KDM2A: variants seen among roughly 807,000 people sequenced by gnomAD.
KDM2A encodes the protein lysine-specific demethylase 2A.
Under a neutral mutation model 137.3 loss-of-function variants are expected in KDM2A, and 3 were observed. The observed-to-expected ratio is 0.02, with a 90% confidence interval of 0.01 to 0.06. The LOEUF (loss-of-function observed/expected upper bound fraction) is 0.06. KDM2A is among the 10% of genes least tolerant of loss of function. The pLI is 1.00. For synonymous variants in KDM2A, 512 were observed against 541.5 expected (o/e 0.95, Z 0.76); for missense variants, 738 against 1,510.6 (o/e 0.49, Z 8.48).
At chr11:67,201,423 T>C (rs1291047650) in intron 5 of KDM2A, among the ~76,000 whole-genome samples, 3 of 151,860 alleles carry the variant, frequency 2.0e-5, no homozygotes, top group Non-Finnish European at 4.4e-5. Context: ...GTGGATCCCT[T>C]GAGGCCAGGA....
At chr11:67,202,937 G>A (rs1320421064) in intron 5 of KDM2A, among the ~76,000 whole-genome samples, 1 of 151,604 alleles carries the variant, frequency 6.6e-6, no homozygotes, top group South Asian at 2.1e-4. Context: ...TGTGGCTGTG[G>A]TGAGCTGTGA....
At chr11:67,137,797 A>G (rs1183893599) in intron 2 of KDM2A, among the ~76,000 whole-genome samples, 1 of 152,074 alleles carries the variant, frequency 6.6e-6, no homozygotes, top group African/African-American at 2.4e-5. Context: ...TTACTGGCAT[A>G]TGATTGGGTC....
chr11:67,199,996 G>A (rs1264940287), intron 5 of KDM2A, among the ~76,000 whole-genome samples: 2 of 152,114 alleles, frequency 1.3e-5, no homozygotes, highest in African/African-American at 4.8e-5. Context: ...AAATCCTAGG[G>A]CCCTTAAGAA....
intron 6 of KDM2A, among the ~76,000 whole-genome samples, chr11:67,209,964 G>A (rs1857928548): frequency 6.6e-6 from 1 of 152,132 alleles, no homozygotes; most frequent in Non-Finnish European, 1.5e-5. Context: ...AGAGACCGAG[G>A]TGGGAGGATT....
chr11:67,167,945 C>T (rs1267205469), intron 2 of KDM2A, among the ~76,000 whole-genome samples: 3 of 152,084 alleles, frequency 2.0e-5, no homozygotes, highest in Non-Finnish European at 4.4e-5. Flanking sequence ...GGCCATTTAT[C>T]ATTTAGGGAC....
chr11:67,181,542 T>C (rs561157071), intron 4 of KDM2A, 144 bp downstream of exon 4: 1 of 609,160 alleles, frequency 1.6e-6, no homozygotes, highest in Admixed American at 3.1e-5. Flanking sequence ...TGCTTTTCTT[T>C]TGATACACAA....
At chr11:67,227,923 G>C (rs1858597794) in intron 10 of KDM2A, 114 bp from the exon 11 acceptor site, 1 of 1,120,024 alleles carries the variant, frequency 8.9e-7, no homozygotes, top group African/African-American at 1.5e-5. Flanking sequence ...GCCAAGCTGG[G>C]TTTGCAGGTT....
chr11:67,193,881 C>A lies in KDM2A; in HGVS notation c.307+11989C>A, dbSNP rs866711009. On this transcript the variant is annotated intron_variant, in intron 5 of 20. Transcript: ENST00000529006. ...ATCTCAATACATACATACATACATA[C>A]GTATTTATTGAGACAGGGGTCTCGC... Among the ~76,000 whole-genome samples the A allele has an allele frequency of 3.3e-5, 5 of 152,178 alleles. No individual in the cohort carries two copies. In the East Asian group the frequency reaches 7.7e-4, roughly 24 times the overall value.
intron 3 of KDM2A, 45 bp downstream of exon 3, chr11:67,180,262 A>G: frequency 6.3e-7 from 1 of 1,591,198 alleles, no homozygotes; most frequent in Non-Finnish European, 8.6e-7. Context: ...TGATGTGGGA[A>G]GCCATAGACT....
intron 2 of KDM2A, among the ~76,000 whole-genome samples, chr11:67,166,841 C>T (rs1045496501): frequency 6.6e-6 from 1 of 152,122 alleles, no homozygotes; most frequent in African/African-American, 2.4e-5. Flanking sequence ...ATTTGGAAGG[C>T]CAAGGCGGGC....
rs1250695061 is a variant in KDM2A, at chr11:67,252,768, G to A, written c.2843G>A (p.Gly948Asp). 4 of 1,613,960 alleles carry A rather than the reference G, an allele frequency of 2.5e-6. No individual in the cohort carries two copies. Among genetic ancestry groups the A allele is most frequent in the South Asian group, 2.2e-5 (2 of 91,082 alleles). Residue 948 changes from glycine to aspartate, a missense_variant, in exon 18 of 21, where the codon GGC (glycine) becomes GAC (aspartate). Gly to Asp is a moderately conservative substitution (Grantham distance 94). This residue lies in a region of KDM2A where 166 missense variants were observed against 324.0 expected (regional missense o/e 0.51). Transcript: ENST00000529006. ...GCCATTGTGCCCCAGGCCCTCAGTG[G>A]CATCATCAAGAGGCAGCCAGTCAGC... Reference protein sequence around the residue: ...CKAIVPQALSGIIKRQPVSLD... With the variant: ...CKAIVPQALSDIIKRQPVSLD...
chr11:67,227,002 A>G (rs942568345), intron 10 of KDM2A, among the ~76,000 whole-genome samples: 2 of 152,172 alleles, frequency 1.3e-5, no homozygotes, highest in Non-Finnish European at 2.9e-5. Flanking sequence ...AGTCCCCATC[A>G]TTGGTCTTCC....
chr11:67,123,817 C>T (rs1398757501), intron 2 of KDM2A, among the ~76,000 whole-genome samples: 1 of 152,088 alleles, frequency 6.6e-6, no homozygotes, highest in Admixed American at 6.6e-5. Flanking sequence ...GCTGAGATTA[C>T]AGGTGCCTAC....
chr11:67,178,884 A>T (rs1244807649), intron 2 of KDM2A, among the ~76,000 whole-genome samples: 1 of 152,192 alleles, frequency 6.6e-6, no homozygotes, highest in Non-Finnish European at 1.5e-5. Context: ...TGAAAAGAAG[A>T]ACGTATGTTT....
chr11:67,138,093 G>A (rs1296164173), intron 2 of KDM2A, among the ~76,000 whole-genome samples: 1 of 152,110 alleles, frequency 6.6e-6, no homozygotes, highest in Non-Finnish European at 1.5e-5. Context: ...ACCGCGCCTG[G>A]CCAAACTATA....
chr11:67,145,599 C>T (rs932011235), intron 2 of KDM2A, among the ~76,000 whole-genome samples: 2 of 151,770 alleles, frequency 1.3e-5, no homozygotes, highest in African/African-American at 4.8e-5. Flanking sequence ...AATTACTTAC[C>T]CTAACGTTAT....
chr11:67,125,534 G>A (rs1427147508), intron 2 of KDM2A, among the ~76,000 whole-genome samples: 2 of 151,996 alleles, frequency 1.3e-5, no homozygotes, highest in Admixed American at 6.6e-5. Flanking sequence ...CACTTTGGGA[G>A]GCATAGGCAG....
rs774535266 is a variant in KDM2A, at chr11:67,245,499, C to T, written c.1833+41C>T. Reference sequence around the variant, plus strand: ...GGTAAAGAATTTTGGGGAGGGGTGGCAGTGCCAAAGGAACTGAAATACATA... The same window carrying T: ...GGTAAAGAATTTTGGGGAGGGGTGGTAGTGCCAAAGGAACTGAAATACATA... On this transcript the variant is annotated intron_variant, in intron 14 of 20. Transcript: ENST00000529006. The surrounding 1 kb of genome is among the most constrained non-coding windows in gnomAD (Gnocchi z 4.1). The T allele has an allele frequency of 1.9e-6, 3 of 1,605,050 alleles. No individual in the cohort carries two copies. Among genetic ancestry groups the T allele is most frequent in the African/African-American group, 1.3e-5 (1 of 74,672 alleles).
At chr11:67,126,066 G>A (rs868395872) in intron 2 of KDM2A, among the ~76,000 whole-genome samples, 1 of 148,146 alleles carries the variant, frequency 6.8e-6, no homozygotes, top group Non-Finnish European at 1.5e-5. Context: ...ACACAACATG[G>A]AGAAACCCCG....
Sources: gnomAD v4.1 joint callset for allele counts (sites outside exome capture counted in the v4.1 genomes callset) on GRCh38, gnomAD v4.1.1 for gene constraint, gnomAD v4.1.1 regional missense constraint, Gnocchi (gnomAD v3.1) non-coding constraint, MANE v1.5 for transcripts, NCBI Gene and HGNC (gene_info 2026-07-23, HGNC 2026-07-21) for gene names.